ATXN2: variants seen among roughly 807,000 people sequenced by gnomAD.
The protein encoded by ATXN2 is ataxin-2.
Under a neutral mutation model 138.6 loss-of-function variants are expected in ATXN2, and 37 were observed. That is an observed-to-expected ratio of 0.27 (90% CI 0.21 to 0.35). The LOEUF is 0.35. ATXN2 is among the 10% of genes least tolerant of loss of function. The probability of loss-of-function intolerance (pLI) is 1.00; values close to 1 mark genes in which losing one functional copy is unlikely to be tolerated. For missense variants in ATXN2, 1,216 were observed against 1,480.3 expected (o/e 0.82, Z 2.93); for synonymous variants, 549 against 543.7 (o/e 1.01, Z -0.13).
intron 1 of ATXN2, among the ~76,000 whole-genome samples, chr12:111,573,899 CCACT>C (rs1374572708): frequency 2.7e-5 from 4 of 149,292 alleles, no homozygotes; most frequent in Non-Finnish European, 4.4e-5. Flanking sequence ...GAAAAAATGG[CCACT>C]ACTACCACTT....
At chr12:111,510,772 G>A (rs1879459459) in intron 11 of ATXN2, 190 bp from the exon 12 acceptor site, 1 of 446,074 alleles carries the variant, frequency 2.2e-6, no homozygotes. Context: ...AGTATATGAA[G>A]AACAGCAGCA....
intron 1 of ATXN2, among the ~76,000 whole-genome samples, chr12:111,574,439 C>A (rs1371596703): frequency 2.7e-5 from 4 of 148,428 alleles, no homozygotes. Context: ...TTTTTTTTGG[C>A]GGTGGGGGGA....
At chr12:111,581,799 G>A (rs6490216) in intron 1 of ATXN2, 20,179 of 505,480 alleles carry the variant, frequency 0.04, 3,241 homozygotes, top group African/African-American at 0.35. Context: ...CATTATCTAG[G>A]CCAGGAGCTC....
chr12:111,588,289 G>GAA (rs1253496730), intron 1 of ATXN2, among the ~76,000 whole-genome samples: 4 of 152,084 alleles, frequency 2.6e-5, no homozygotes, highest in African/African-American at 9.7e-5. Flanking sequence ...ATCTATGTAA[G>GAA]AATCTTTAAA....
intron 1 of ATXN2, among the ~76,000 whole-genome samples, chr12:111,585,633 C>T (rs1472655284): frequency 2.6e-5 from 4 of 151,642 alleles, no homozygotes; most frequent in South Asian, 2.1e-4. Flanking sequence ...GGGGAAACCC[C>T]GTCTCTACTA....
chr12:111,571,475 C>T (rs552728228), intron 1 of ATXN2, among the ~76,000 whole-genome samples: 2 of 151,728 alleles, frequency 1.3e-5, no homozygotes, highest in South Asian at 4.2e-4. Context: ...TGGGCTAGAT[C>T]TTAAAGGGTA....
Position 111,513,489 on chromosome 12 carries a change from C to G in ATXN2, c.1426G>C (p.Val476Leu). The G allele has an allele frequency of 6.2e-7, 1 of 1,614,002 alleles. No homozygotes were observed. The highest frequency in any genetic ancestry group is 8.5e-7 in the Non-Finnish European group (1 of 1,179,980). ...GATATGGAACCCCTCCCAGCAGAAA[C>G]TCTGTGATTTCGAGGATGTCGCTGG... ...KAQRHPRNHR[V>L]SAGRGSISSG... Residue 476 changes from valine to leucine, a missense_variant, in exon 11 of 25, where the codon GTT becomes CTT. Physicochemically the swap from Val to Leu is conservative, Grantham distance 32. This residue lies in a region of ATXN2 where 401 missense variants were observed against 528.1 expected (regional missense o/e 0.76). Transcript: ENST00000673436.
At chr12:111,557,452 G>A (rs1362420856) in intron 1 of ATXN2, among the ~76,000 whole-genome samples, 1 of 152,180 alleles carries the variant, frequency 6.6e-6, no homozygotes, top group Non-Finnish European at 1.5e-5. Context: ...ATGGCACAGA[G>A]ATAAATTCCT....
Position 111,597,929 on chromosome 12 carries a change from G to A in ATXN2, c.251+855C>T, listed in dbSNP as rs985318374. The A allele has an allele frequency of 6.3e-6, 8 of 1,266,012 alleles. No individual in the cohort carries two copies. The African/African-American group carries it at 1.1e-4, about 17-fold the overall frequency. 78.4% of individuals were successfully genotyped at this position (1,266,012 alleles called of 1,614,324 possible). A position where few individuals can be genotyped will look rare whatever the true frequency, so the allele number is the denominator to read the frequency against. On this transcript the variant is annotated intron_variant, in intron 1 of 24. Coordinates refer to ENST00000673436, the MANE Select transcript of ATXN2 (RefSeq NM_001372574.1). ...GCCCTCACCCACCGATGTTCCACAG[G>A]CGCCTTCTCCACTGCGGCCTCGAAC...
intron 1 of ATXN2, among the ~76,000 whole-genome samples, chr12:111,586,850 T>A (rs1299622972): frequency 1.3e-5 from 2 of 152,104 alleles, no homozygotes; most frequent in Admixed American, 1.3e-4. Flanking sequence ...CACGCTACTG[T>A]TATTTCTCAT....
At chr12:111,485,131 T>A in intron 18 of ATXN2, 134 bp downstream of exon 18, 2 of 719,292 alleles carry the variant, frequency 2.8e-6, no homozygotes. Context: ...TATGTAATGT[T>A]GTTCATCAAA....
intron 16 of ATXN2, among the ~76,000 whole-genome samples, chr12:111,486,235 G>A (rs1213723017): frequency 6.6e-6 from 1 of 152,176 alleles, no homozygotes. Flanking sequence ...AGATACCAAA[G>A]TCTTGGAATG....
Position 111,510,487 on chromosome 12 carries a change from C to G in ATXN2, c.1654G>C (p.Ala552Pro). The G allele has an allele frequency of 6.2e-7, 1 of 1,614,116 alleles. No homozygotes were observed. The highest frequency in any genetic ancestry group is 8.5e-7 in the Non-Finnish European group (1 of 1,180,022). ...PSGPVLASPQ[A>P]GIIPTEAVAM... ...ACAGCTTCAGTTGGAATAATACCAG[C>G]TTGGGGAGAAGCAAGAACTGGCCCA... The change falls in exon 12 of 25, where the codon GCT becomes CCT. Residue 552 changes from alanine to proline, a missense_variant. Coordinates refer to ENST00000673436, the MANE Select transcript of ATXN2 (RefSeq NM_001372574.1).
chr12:111,465,493 TG>T (rs1875926224), intron 20 of ATXN2, among the ~76,000 whole-genome samples: 2 of 151,836 alleles, frequency 1.3e-5, no homozygotes, highest in Admixed American at 1.3e-4. Flanking sequence ...GATGTGAGGC[TG>T]GGCGTGGTGG....
Position 111,598,164 on chromosome 12 carries a change from G to A in ATXN2, c.251+620C>T. On this transcript the variant is annotated intron_variant, in intron 1 of 24. Coordinates refer to ENST00000673436, the MANE Select transcript of ATXN2 (RefSeq NM_001372574.1). This position sits in a 1 kb window ranked among gnomAD's most constrained non-coding sequence, Gnocchi z 4.5. Reference sequence around the variant, plus strand: ...GACACGAACGCAGAGGGGTGCGGGGGCCAAGGCCCACTTGTCTCCACCCCG... The same window carrying A: ...GACACGAACGCAGAGGGGTGCGGGGACCAAGGCCCACTTGTCTCCACCCCG... 9.2e-7 allele frequency: 1 copy of A among 1,092,148 alleles called. No homozygotes were observed. Among genetic ancestry groups the A allele is most frequent in the Non-Finnish European group, 1.1e-6 (1 of 889,514 alleles). The allele number at this position is 1,092,148 out of a possible 1,614,324, so 67.7% of individuals were successfully genotyped here. A position where few individuals can be genotyped will look rare whatever the true frequency, so the allele number is the denominator to read the frequency against.
intron 7 of ATXN2, among the ~76,000 whole-genome samples, chr12:111,520,480 G>A (rs899808440): frequency 1.3e-5 from 2 of 151,992 alleles, no homozygotes. Flanking sequence ...GTGAAACCCC[G>A]TCTCTACTAA....
chr12:111,514,329 C>A (rs1478007002), intron 10 of ATXN2, among the ~76,000 whole-genome samples: 1 of 152,150 alleles, frequency 6.6e-6, no homozygotes, highest in Non-Finnish European at 1.5e-5. Flanking sequence ...ACTACTCTTT[C>A]TAAATCAGTC....
At chr12:111,594,249 G>A (rs1884821474) in intron 1 of ATXN2, among the ~76,000 whole-genome samples, 1 of 152,100 alleles carries the variant, frequency 6.6e-6, no homozygotes, top group African/African-American at 2.4e-5. Context: ...AGATATTTTA[G>A]GCCCTTCTAC....
At position 111,595,289 on chromosome 12, in the gene ATXN2, T is replaced by A. The variant is rs190099769; in HGVS notation, c.251+3495A>T. On this transcript the variant is annotated intron_variant, in intron 1 of 24. Transcript: ENST00000673436. Reference sequence around the variant, plus strand: ...CAAAAAGCTATTTAAAAATGTTCACTGCACCACTATCTATAACAAAAAAGT... The same window carrying A: ...CAAAAAGCTATTTAAAAATGTTCACAGCACCACTATCTATAACAAAAAAGT... Among the ~76,000 whole-genome samples the A allele has an allele frequency of 2.6e-5, 4 of 152,350 alleles. No homozygotes were observed. In the East Asian group the frequency reaches 7.7e-4, roughly 29 times the overall value.
Sources: allele counts gnomAD v4.1 joint callset (sites outside exome capture counted in the v4.1 genomes callset), GRCh38; gene constraint gnomAD v4.1.1; regional missense constraint gnomAD v4.1.1; non-coding constraint Gnocchi (gnomAD v3.1); transcripts MANE v1.5; gene names NCBI Gene and HGNC (gene_info 2026-07-23, HGNC 2026-07-21).